ITPR2: variants seen among roughly 807,000 people sequenced by gnomAD.
ITPR2 encodes the protein inositol 1,4,5-trisphosphate receptor type 2.
Under a neutral mutation model 317.1 loss-of-function variants are expected in ITPR2, and 207 were observed. The ratio of observed to expected loss-of-function variants is 0.65; its 90% CI spans 0.58 to 0.73. The LOEUF is 0.73. Ranked by LOEUF, ITPR2 falls within the 30% of genes least tolerant of loss-of-function variation. ITPR2 has a pLI of 0.00. For synonymous variants in ITPR2, 1,156 were observed against 1,149.1 expected (o/e 1.01, Z -0.12); for missense variants, 2,613 against 3,284.0 (o/e 0.80, Z 4.99).
rs1160204403 is a variant in ITPR2, at chr12:26,556,259, T to C, written c.4938A>G (p.Arg1646=). The C allele has an allele frequency of 3.1e-6, 5 of 1,613,872 alleles. No individual in the cohort carries two copies. The South Asian group carries it at 5.5e-5, about 18-fold the overall frequency. ...ELLFPEGSDA[R]IRCGAFMSKL... is the part of the protein sequence containing the mutation. ...TCGACATGAAAGCGCCACATCTTAT[T>C]CTTGCATCGCTTCCCTCAGGGAACA... The change falls in exon 36 of 57, where the codon AGA becomes AGG. Residue 1646 remains arginine, a synonymous_variant. Coordinates refer to ENST00000381340, the MANE Select transcript of ITPR2 (RefSeq NM_002223.4).
rs74072360 is a variant in ITPR2, at chr12:26,775,025, C to T, written c.163+15132G>A. Among the ~76,000 whole-genome samples, 86 of 152,256 alleles carry T rather than the reference C, an allele frequency of 5.6e-4. 2 individuals are homozygous for T. In the South Asian group the frequency reaches 0.015, roughly 26 times the overall value. ...ACCAGGATTGAGCTTCACTAATGCA[C>T]GCTGTCCTGCCTTTTCTTCCTTTCA... On this transcript the variant is annotated intron_variant, in intron 2 of 56. Coordinates refer to ENST00000381340, the MANE Select transcript of ITPR2 (RefSeq NM_002223.4).
intron 32 of ITPR2, among the ~76,000 whole-genome samples, chr12:26,586,553 A>G (rs1369170811): frequency 6.6e-6 from 1 of 152,236 alleles, no homozygotes; most frequent in Non-Finnish European, 1.5e-5. Flanking sequence ...AATATTATCT[A>G]CATTTCCATC....
rs7314747 is a variant in ITPR2 at position 26,790,237 on chromosome 12, A to T, written c.93-10T>A. ...TCTGTCATCCACTAACCTAGAAGGA[A>T]AAGCATGTTTACATTGTTAACATCC... On this transcript the variant is annotated splice_polypyrimidine_tract_variant and intron_variant, in intron 1 of 56. Transcript: ENST00000381340. The T allele has an allele frequency of 0.26, 409,269 of 1,602,270 alleles. 54,687 individuals carry two copies. The highest frequency in any genetic ancestry group is 0.28 in the Non-Finnish European group (327,625 of 1,169,108).
rs1950609340 is a variant in ITPR2, at chr12:26,804,467, C to T, written c.93-14240G>A. 2.6e-5 allele frequency among the ~76,000 whole-genome samples: 4 copies of T among 151,896 alleles called. No homozygotes were observed. The South Asian group carries it at 6.2e-4, about 24-fold the overall frequency. Reference sequence around the variant, plus strand: ...GGGAGGGAGTGAGTAAGTCCTTACCCGAAAATAATGAAGCAACCCACATGA... The same window carrying T: ...GGGAGGGAGTGAGTAAGTCCTTACCTGAAAATAATGAAGCAACCCACATGA... On this transcript the variant is annotated intron_variant, in intron 1 of 56. Transcript: ENST00000381340.
rs1950294098 is a variant in ITPR2 at position 26,788,458 on chromosome 12, T to C, written c.163+1699A>G. Among the ~76,000 whole-genome samples, 4 of 152,170 alleles carry C rather than the reference T, an allele frequency of 2.6e-5. No individual in the cohort carries two copies. In the South Asian group the frequency reaches 8.3e-4, roughly 32 times the overall value. On this transcript the variant is annotated intron_variant, in intron 2 of 56. Transcript: ENST00000381340. ...CTTTTTCCTGCTACAAATACAGATTTGTTGTCCCAGTCTGCTTTTAGAATT... is the reference window on the plus strand; with the variant it reads ...CTTTTTCCTGCTACAAATACAGATTCGTTGTCCCAGTCTGCTTTTAGAATT...
Position 26,782,544 on chromosome 12 carries a change from A to C in ITPR2, c.163+7613T>G, listed in dbSNP as rs574198491. Among the ~76,000 whole-genome samples, 136 of 152,206 alleles carry C rather than the reference A, an allele frequency of 8.9e-4. 1 individual carries two copies. The highest frequency in any genetic ancestry group is 1.7e-3 in the Non-Finnish European group (113 of 68,022). On this transcript the variant is annotated intron_variant, in intron 2 of 56. Coordinates refer to ENST00000381340, the MANE Select transcript of ITPR2 (RefSeq NM_002223.4). ...CAGGTAGAATTTATAGGTGGGACTAATTCAATAGATAGTATGGCACAGTGG... is the reference window on the plus strand; with the variant it reads ...CAGGTAGAATTTATAGGTGGGACTACTTCAATAGATAGTATGGCACAGTGG...
At chr12:26,468,680 T>C (rs1315510691) in intron 45 of ITPR2, among the ~76,000 whole-genome samples, 1 of 152,180 alleles carries the variant, frequency 6.6e-6, no homozygotes, top group Non-Finnish European at 1.5e-5. Flanking sequence ...ATATCTTTAT[T>C]CAGTTTTTTA....
chr12:26,453,805 T>G (rs1167073593), intron 45 of ITPR2, among the ~76,000 whole-genome samples: 15 of 152,246 alleles, frequency 9.9e-5, no homozygotes, highest in Admixed American at 9.8e-4. Flanking sequence ...TGGGAAAAAC[T>G]AGCAGAACAG....
At chr12:26,726,042 A>G (rs1948915436) in intron 2 of ITPR2, 4 of 261,204 alleles carry the variant, frequency 1.5e-5, no homozygotes, top group Middle Eastern at 1.1e-3. Context: ...TAATTGTGGT[A>G]TTATAAGGCA....
chr12:26,681,769 T>C, intron 13 of ITPR2, 105 bp downstream of exon 13: 1 of 751,772 alleles, frequency 1.3e-6, no homozygotes, highest in South Asian at 2.1e-5. Flanking sequence ...AAGTGTGCTA[T>C]CGAGAATGTT....
At chr12:26,715,602 GA>G in intron 7 of ITPR2, 149 bp downstream of exon 7, 7 of 809,522 alleles carry the variant, frequency 8.6e-6, no homozygotes, top group Non-Finnish European at 1.3e-5. Context: ...ATGTGGGGGG[GA>G]AATTCAGTAA....
intron 35 of ITPR2, among the ~76,000 whole-genome samples, 191 bp from the exon 36 acceptor site, chr12:26,556,566 T>TTTGTGTGTG (rs370599538): frequency 1.2e-4 from 17 of 136,198 alleles, no homozygotes; most frequent in Admixed American, 4.4e-4. Flanking sequence ...ATTTTTTTTT[T>TTTGTGTGTG]TGTGTGTGTG....
At chr12:26,588,427 T>C (rs1945593711) in intron 32 of ITPR2, among the ~76,000 whole-genome samples, 2 of 152,212 alleles carry the variant, frequency 1.3e-5, no homozygotes, top group African/African-American at 4.8e-5. Context: ...TTTATACTTC[T>C]TCACTTCCCT....
intron 55 of ITPR2, among the ~76,000 whole-genome samples, chr12:26,351,118 A>T (rs991306630): frequency 6.6e-6 from 1 of 152,200 alleles, no homozygotes; most frequent in Non-Finnish European, 1.5e-5. Context: ...GGACTCTAGG[A>T]TGAGTGACCA....
chr12:26,484,608 A>T (rs959574217), intron 41 of ITPR2, among the ~76,000 whole-genome samples: 3 of 152,246 alleles, frequency 2.0e-5, no homozygotes, highest in African/African-American at 7.2e-5. Context: ...AACTATAAAA[A>T]TTAGGTACTT....
chr12:26,607,406 T>C (rs951644202), intron 26 of ITPR2, among the ~76,000 whole-genome samples: 1 of 152,232 alleles, frequency 6.6e-6, no homozygotes, highest in Non-Finnish European at 1.5e-5. Flanking sequence ...AAATATTGCC[T>C]CTTTCAGATA....
chr12:26,359,566 T>C (rs1168738497), intron 55 of ITPR2, among the ~76,000 whole-genome samples: 1 of 152,012 alleles, frequency 6.6e-6, no homozygotes, highest in African/African-American at 2.4e-5. Flanking sequence ...CATAAAATGA[T>C]GTAGAGAAAC....
intron 34 of ITPR2, among the ~76,000 whole-genome samples, chr12:26,563,651 T>C (rs1944876830): frequency 1.3e-5 from 2 of 152,166 alleles, no homozygotes; most frequent in South Asian, 4.1e-4. Flanking sequence ...AAGCCCTCCT[T>C]ACTTAACATT....
chr12:26,443,671 AG>A (rs1941541659), intron 45 of ITPR2, 21 bp from the exon 46 acceptor site: 5 of 1,597,140 alleles, frequency 3.1e-6, no homozygotes, highest in Non-Finnish European at 4.3e-6. Context: ...GAAAAAATAA[AG>A]GTTTTAGGTC....
Sources: allele counts gnomAD v4.1 joint callset (sites outside exome capture counted in the v4.1 genomes callset), GRCh38; gene constraint gnomAD v4.1.1; transcripts MANE v1.5; gene names NCBI Gene and HGNC (gene_info 2026-07-23, HGNC 2026-07-21).